The following PFKL variants were observed in gnomAD, a reference collection of about 807,000 sequenced individuals.
PFKL encodes the protein ATP-dependent 6-phosphofructokinase, liver type.
A neutral mutation model predicts 92.1 loss-of-function variants in PFKL; 74 were observed. The observed-to-expected ratio is 0.80, with a 90% CI of 0.67 to 0.97. The LOEUF is 0.97. Among genes scored for constraint, PFKL ranks in the 50% least tolerant of loss-of-function variants. The probability of loss-of-function intolerance (pLI) is 0.00; values close to 1 mark genes in which losing one functional copy is unlikely to be tolerated. For synonymous variants in PFKL, 494 were observed against 456.4 expected (o/e 1.08, Z -1.05); for missense variants, 1,028 against 1,116.6 (o/e 0.92, Z 1.13).
At chr21:44,325,331 C>A in intron 19 of PFKL, 67 bp downstream of exon 19, 1 of 1,138,628 alleles carries the variant, frequency 8.8e-7, no homozygotes, top group Admixed American at 1.8e-5. Flanking sequence ...TCCCCGGCCC[C>A]AGGGGTCCCA....
chr21:44,310,581 G>C (rs1181279184), intron 2 of PFKL, among the ~76,000 whole-genome samples: 1 of 152,216 alleles, frequency 6.6e-6, no homozygotes, highest in Non-Finnish European at 1.5e-5. Flanking sequence ...GAGGACTCCA[G>C]TGGGGACAGA....
intron 19 of PFKL, chr21:44,325,521 C>G (rs768749266): frequency 1.8e-6 from 1 of 564,668 alleles, no homozygotes; most frequent in Non-Finnish European, 3.2e-6. Context: ...CCACCCCTGC[C>G]AGGCCTCCCG....
chr21:44,324,614 G>A lies in PFKL; in HGVS notation c.1774G>A (p.Ala592Thr), dbSNP rs1369021626. Residue 592 changes from alanine to threonine, a missense_variant, in exon 17 of 22, where the codon GCC becomes ACC. Physicochemically the swap from Ala to Thr is moderately conservative, Grantham distance 58 (BLOSUM62 0). Coordinates refer to ENST00000349048, the MANE Select transcript of PFKL (RefSeq NM_002626.6). ...VTGIAVGADA[A>T]YVFEDPFNIH... The stretch of plus-strand genomic sequence containing the variant: ...TGGCATTGCTGTGGGGGCCGACGCC[G>A]CCTACGTCTTCGAGGACCCTTTCAA... 3.7e-6 allele frequency: 6 copies of A among 1,609,796 alleles called. No individual in the cohort carries two copies. Among genetic ancestry groups the A allele is most frequent in the South Asian group, 3.3e-5 (3 of 90,824 alleles).
In PFKL at chr21:44,324,894, C is replaced by T. The variant is rs772237937; in HGVS notation, c.1854C>T (p.Asp618=). The part of the protein sequence containing the change: ...VEHMTEKMKT[D]IQRGLVLRNE... ...ACATGACGGAGAAGATGAAGACAGA[C>T]ATTCAGAGGGGCCTGGTGCTGCGGT... The change falls in exon 18 of 22, where the codon GAC becomes GAT. Residue 618 remains aspartate (D), a synonymous_variant. Coordinates refer to ENST00000349048, the MANE Select transcript of PFKL (RefSeq NM_002626.6). The T allele has an allele frequency of 8.1e-6, 13 of 1,608,734 alleles. No individual in the cohort carries two copies. The highest frequency in any genetic ancestry group is 1.1e-5 in the Non-Finnish European group (13 of 1,177,868).
At chr21:44,310,939 C>A (rs2047022867) in intron 2 of PFKL, 67 bp from the exon 3 acceptor site, 2 of 1,186,440 alleles carry the variant, frequency 1.7e-6, no homozygotes, top group South Asian at 1.2e-5. Flanking sequence ...AAATCCTGCT[C>A]CCAGACCACT....
intron 1 of PFKL, among the ~76,000 whole-genome samples, chr21:44,302,983 A>G (rs940849841): frequency 3.8e-4 from 58 of 152,346 alleles, no homozygotes; most frequent in African/African-American, 1.4e-3. Context: ...CTGTAATTCC[A>G]GCACTTTGGG....
chr21:44,314,010 A>G lies in PFKL; in HGVS notation c.736A>G (p.Arg246Gly), dbSNP rs764707213. 6.2e-6 allele frequency: 10 copies of G among 1,603,418 alleles called. No homozygotes were observed. In the East Asian group the frequency reaches 2.2e-4, roughly 36 times the overall value. Residue 246 changes from arginine (R) to glycine (G), a missense_variant, in exon 7 of 22, where the codon AGG (arginine) becomes GGG (glycine). Transcript: ENST00000349048. ...EDGWENFMCE[R>G]LGETRSRGSR... ...CGGCTGGGAGAACTTCATGTGTGAG[A>G]GGCTGGGTGAGGTGGGTGCCGTCCA...
In PFKL at chr21:44,313,670, G is replaced by A. The variant is rs1009282477; in HGVS notation, c.626G>A (p.Gly209Asp). Residue 209 changes from glycine (G) to aspartate (D), a missense_variant, in exon 6 of 22, where the codon GGC (glycine) becomes GAC (aspartate). Coordinates refer to ENST00000349048, the MANE Select transcript of PFKL (RefSeq NM_002626.6). ...HQRTFVLEVMGRHCGYLALVS... is the reference protein window; with the variant it reads ...HQRTFVLEVMDRHCGYLALVS... ...AGGACCTTCGTGCTGGAAGTGATGG[G>A]CCGGCACTGCGGGTGAGGAGGGGCT... is the stretch of plus-strand genomic sequence containing the variant. 1.9e-6 allele frequency: 3 copies of A among 1,612,278 alleles called. No homozygotes were observed. The South Asian group carries it at 3.3e-5, about 18-fold the overall frequency.
At chr21:44,302,051 G>A (rs1315194979) in intron 1 of PFKL, among the ~76,000 whole-genome samples, 2 of 152,244 alleles carry the variant, frequency 1.3e-5, no homozygotes, top group African/African-American at 2.4e-5. Context: ...CCTGTGGACA[G>A]GCCGGCTGGG....
chr21:44,317,175 C>T (rs2047230804), intron 9 of PFKL, among the ~76,000 whole-genome samples: 1 of 152,200 alleles, frequency 6.6e-6, no homozygotes, highest in South Asian at 2.1e-4. Context: ...CCATGGTAGG[C>T]AAAATGCCTG....
chr21:44,316,170 C>T (rs564756798), intron 7 of PFKL, 74 bp from the exon 8 acceptor site: 24 of 1,414,520 alleles, frequency 1.7e-5, no homozygotes, highest in Admixed American at 1.2e-4. Flanking sequence ...AGGGAGGGCT[C>T]CTGGCACCCG....
chr21:44,307,559 C>A (rs901554136), intron 2 of PFKL, among the ~76,000 whole-genome samples: 1 of 152,240 alleles, frequency 6.6e-6, no homozygotes, highest in Non-Finnish European at 1.5e-5. Flanking sequence ...GCCCCACCCC[C>A]CTCACTGCTC....
chr21:44,319,995 C>A, intron 11 of PFKL, 89 bp from the exon 12 acceptor site: 1 of 1,233,632 alleles, frequency 8.1e-7, no homozygotes, highest in Non-Finnish European at 1.2e-6. Flanking sequence ...GTGCCTGTGA[C>A]CAGCCTCCTG....
chr21:44,324,917 G>T lies in PFKL; in HGVS notation c.1877G>T (p.Arg626Leu), dbSNP rs574293240. ...KTDIQRGLVL[R>L]NEKCHDYYTT... Reference sequence around the variant, plus strand: ...GACATTCAGAGGGGCCTGGTGCTGCGGTGAGGCTGCCGTGGGTCCCTGGCC... The same window carrying T: ...GACATTCAGAGGGGCCTGGTGCTGCTGTGAGGCTGCCGTGGGTCCCTGGCC... The change falls in exon 18 of 22, where the codon CGG becomes CTG. Residue 626 changes from arginine (R) to leucine (L), a missense_variant and splice_region_variant. By Grantham distance (102) the Arg-to-Leu change is moderately radical. Transcript: ENST00000349048. The T allele has an allele frequency of 5.0e-6, 8 of 1,604,108 alleles. No individual in the cohort carries two copies. The East Asian group carries it at 1.4e-4, about 27-fold the overall frequency.
intron 1 of PFKL, chr21:44,305,894 C>T (rs754730190): frequency 2.9e-6 from 4 of 1,364,888 alleles, no homozygotes; most frequent in Non-Finnish European, 3.9e-6. Context: ...GAGGAAGTGA[C>T]CTCAGAGCCT....
At chr21:44,315,470 C>T (rs1244837990) in intron 7 of PFKL, 1 of 152,570 alleles carries the variant, frequency 6.6e-6, no homozygotes, top group African/African-American at 2.4e-5. Flanking sequence ...CCAGGTAGCC[C>T]TCCACTCCCA....
intron 7 of PFKL, 38 bp from the exon 8 acceptor site, chr21:44,316,206 C>G (rs753428802): frequency 6.2e-7 from 1 of 1,601,484 alleles, no homozygotes; most frequent in South Asian, 1.1e-5. Context: ...GCAGGTTTCC[C>G]TGCCTGGCAG....
rs1332334215 is a variant in PFKL, at chr21:44,313,939, C to G, written c.665C>G (p.Ala222Gly). ...CGYLALVSALASGADWLFIPE... is the reference protein window; with the variant it reads ...CGYLALVSALGSGADWLFIPE... ...TACCTGGCGCTGGTATCTGCACTGG[C>G]CTCAGGGGCCGACTGGCTGTTCATC... The change falls in exon 7 of 22, where the codon GCC (alanine) becomes GGC (glycine). Residue 222 changes from alanine to glycine, a missense_variant. Coordinates refer to ENST00000349048, the MANE Select transcript of PFKL (RefSeq NM_002626.6). 1 of 1,603,608 alleles carries G rather than the reference C, an allele frequency of 6.2e-7. No homozygotes were observed. Among genetic ancestry groups the G allele is most frequent in the Non-Finnish European group, 8.5e-7 (1 of 1,176,908 alleles).
At chr21:44,324,024 G>A (rs1055208718) in intron 16 of PFKL, 106 bp downstream of exon 16, 2 of 1,343,750 alleles carry the variant, frequency 1.5e-6, no homozygotes, top group African/African-American at 1.4e-5. Flanking sequence ...CACCTGGGAG[G>A]GCTGCCAGGG....
Sources: allele counts gnomAD v4.1 joint callset (sites outside exome capture counted in the v4.1 genomes callset), GRCh38; gene constraint gnomAD v4.1.1; transcripts MANE v1.5; gene names NCBI Gene and HGNC (gene_info 2026-07-23, HGNC 2026-07-21).